DENND1A: variants seen among roughly 807,000 people sequenced by gnomAD.
DENND1A encodes DENN domain-containing protein 1A.
DENND1A carries 51 observed loss-of-function variants against 113.7 expected under a neutral mutation model. That is an observed-to-expected ratio of 0.45 (90% CI 0.36 to 0.57). The LOEUF is 0.57. Among genes scored for constraint, DENND1A ranks in the 20% least tolerant of loss-of-function variants. The pLI, the probability that DENND1A is intolerant of heterozygous loss-of-function variation, is 0.00. For synonymous variants in DENND1A, 565 were observed against 570.8 expected, an observed-to-expected ratio of 0.99 and a Z score of 0.14; for missense variants, 1,258 against 1,395.9, an observed-to-expected ratio of 0.90 and a Z score of 1.57.
chr9:123,391,813 C>T (rs894866646), intron 21 of DENND1A, among the ~76,000 whole-genome samples: 4 of 147,374 alleles, frequency 2.7e-5, no homozygotes, highest in African/African-American at 7.5e-5. Flanking sequence ...AATTCAGCTA[C>T]TCCCCTGCGG....
At chr9:123,548,708 C>T (rs554033868) in intron 13 of DENND1A, among the ~76,000 whole-genome samples, 5 of 152,186 alleles carry the variant, frequency 3.3e-5, no homozygotes, top group Non-Finnish European at 4.4e-5. Context: ...ATGGTATATA[C>T]AGATAGTGGA....
chr9:123,552,018 C>CGAGAGA (rs10657747), intron 13 of DENND1A, among the ~76,000 whole-genome samples: 8 of 118,658 alleles, frequency 6.7e-5, no homozygotes, highest in African/African-American at 1.6e-4. Context: ...AGAGCGAGAG[C>CGAGAGA]GAGAGAGAGA....
At chr9:123,652,528 C>T (rs1278215725) in intron 8 of DENND1A, among the ~76,000 whole-genome samples, 1 of 152,160 alleles carries the variant, frequency 6.6e-6, no homozygotes, top group Non-Finnish European at 1.5e-5. Flanking sequence ...GGCCCCAGAT[C>T]CTAGAACCTT....
intron 2 of DENND1A, among the ~76,000 whole-genome samples, chr9:123,837,495 A>G (rs1841208846): frequency 6.6e-6 from 1 of 152,196 alleles, no homozygotes. Context: ...AAACTGAAAA[A>G]CCAAACTATT....
chr9:123,624,649 C>T (rs1266667648), intron 10 of DENND1A, among the ~76,000 whole-genome samples: 2 of 152,164 alleles, frequency 1.3e-5, no homozygotes, highest in Non-Finnish European at 2.9e-5. Context: ...CCAGTAAATA[C>T]AAAACTCAAC....
At chr9:123,853,389 C>T (rs1042312877) in intron 2 of DENND1A, among the ~76,000 whole-genome samples, 1 of 151,392 alleles carries the variant, frequency 6.6e-6, no homozygotes, top group Non-Finnish European at 1.5e-5. Flanking sequence ...CTAGGCCGGG[C>T]GTGGTGGCTC....
At chr9:123,470,990 C>T (rs1697055922) in intron 13 of DENND1A, among the ~76,000 whole-genome samples, 1 of 152,176 alleles carries the variant, frequency 6.6e-6, no homozygotes, top group African/African-American at 2.4e-5. Flanking sequence ...CCAGGGGAGT[C>T]AAATGCCTGA....
chr9:123,696,899 A>G (rs1249671262), intron 5 of DENND1A, among the ~76,000 whole-genome samples: 16 of 152,228 alleles, frequency 1.1e-4, no homozygotes, highest in Admixed American at 1.0e-3. Flanking sequence ...TAAGAACACA[A>G]CTAAAAAGGT....
chr9:123,504,852 A>G (rs2052780659), intron 13 of DENND1A, among the ~76,000 whole-genome samples: 1 of 152,220 alleles, frequency 6.6e-6, no homozygotes, highest in East Asian at 1.9e-4. Context: ...CCCCATGCCT[A>G]GCTAAGCTGA....
chr9:123,551,911 G>C (rs1488135912), intron 13 of DENND1A, among the ~76,000 whole-genome samples: 1 of 152,046 alleles, frequency 6.6e-6, no homozygotes, highest in Non-Finnish European at 1.5e-5. Context: ...TCTTCCTTCT[G>C]GATCTGGTAA....
chr9:123,838,445 C>T (rs1430960960), intron 2 of DENND1A, among the ~76,000 whole-genome samples: 2 of 148,530 alleles, frequency 1.3e-5, no homozygotes, highest in African/African-American at 5.2e-5. Flanking sequence ...ACGAGCTTTG[C>T]TCCATTTCAA....
In DENND1A at chr9:123,667,017, A is replaced by C. The variant is rs376471541; in HGVS notation, c.507+9T>G. ...AAAATTTAATTTTTTCTTCTTCCCAAGTACTTACATTCTCAGGTATGCTGG... is the reference window on the plus strand; with the variant it reads ...AAAATTTAATTTTTTCTTCTTCCCACGTACTTACATTCTCAGGTATGCTGG... On this transcript the variant is annotated intron_variant, in intron 8 of 23. Coordinates refer to ENST00000394215, the MANE Select transcript of DENND1A (RefSeq NM_001352964.2). 2.5e-6 allele frequency: 4 copies of C among 1,583,202 alleles called. No homozygotes were observed. Among genetic ancestry groups the C allele is most frequent in the Middle Eastern group, 1.7e-4 (1 of 5,986 alleles).
chr9:123,621,561 C>A (rs973499280), intron 10 of DENND1A, among the ~76,000 whole-genome samples: 9 of 152,116 alleles, frequency 5.9e-5, no homozygotes, highest in African/African-American at 2.2e-4. Context: ...ATGAATAACA[C>A]AAAGATAGTA....
At chr9:123,542,940 T>C (rs1472963916) in intron 13 of DENND1A, among the ~76,000 whole-genome samples, 2 of 152,200 alleles carry the variant, frequency 1.3e-5, no homozygotes, top group African/African-American at 4.8e-5. Flanking sequence ...GTAGTCTCTG[T>C]TGTCCTTAGA....
At chr9:123,697,097 G>T (rs1385650877) in intron 5 of DENND1A, among the ~76,000 whole-genome samples, 1 of 152,150 alleles carries the variant, frequency 6.6e-6, no homozygotes, top group African/African-American at 2.4e-5. Context: ...ACATGGTGAA[G>T]ATCCGCTTGC....
At chr9:123,621,268 C>A (rs1254748950) in intron 10 of DENND1A, among the ~76,000 whole-genome samples, 1 of 151,798 alleles carries the variant, frequency 6.6e-6, no homozygotes, top group African/African-American at 2.4e-5. Flanking sequence ...TCACTGTAAC[C>A]ATCACCCCCC....
intron 13 of DENND1A, among the ~76,000 whole-genome samples, chr9:123,491,191 T>A (rs1411218292): frequency 1.3e-5 from 2 of 152,190 alleles, no homozygotes; most frequent in Non-Finnish European, 2.9e-5. Flanking sequence ...ATTTGGGCCC[T>A]TTTTAGAATG....
chr9:123,567,340 C>G (rs1046699569), intron 12 of DENND1A, among the ~76,000 whole-genome samples: 2 of 152,178 alleles, frequency 1.3e-5, no homozygotes, highest in Non-Finnish European at 2.9e-5. Context: ...AAACACAACA[C>G]ACAAAATTAA....
chr9:123,880,948 A>T (rs1588064704), intron 1 of DENND1A, among the ~76,000 whole-genome samples: 1 of 152,226 alleles, frequency 6.6e-6, no homozygotes, highest in Admixed American at 6.5e-5. Context: ...AAATGGTAAT[A>T]CTCCCTCTAC....
Sources: allele counts gnomAD v4.1 joint callset (sites outside exome capture counted in the v4.1 genomes callset), GRCh38; gene constraint gnomAD v4.1.1; transcripts MANE v1.5; gene names NCBI Gene and HGNC (gene_info 2026-07-23, HGNC 2026-07-21).